Variants in COL21A1 observed in about 807,000 individuals in gnomAD.
The protein encoded by COL21A1 is collagen type XXI alpha 1 chain.
COL21A1 carries 149 observed loss-of-function variants against 137.9 expected under a neutral mutation model. The observed-to-expected ratio is 1.08, with a 90% CI of 0.95 to 1.24. The LOEUF (loss-of-function observed/expected upper bound fraction) is 1.24, where lower values mean the gene tolerates loss of function less well. Ranked by LOEUF, COL21A1 falls within the 50% of genes most tolerant of loss-of-function variation. COL21A1 has a pLI of 0.00. For missense variants in COL21A1, 1,167 were observed against 1,158.4 expected (o/e 1.01, Z -0.11); for synonymous variants, 456 against 391.5 (o/e 1.16, Z -1.95).
chr6:56,377,918 G>C (rs2094002272), intron 1 of COL21A1, among the ~76,000 whole-genome samples: 1 of 152,104 alleles, frequency 6.6e-6, no homozygotes, highest in African/African-American at 2.4e-5. Context: ...GAGTCATGAG[G>C]TCCCGTTCCA....
intron 16 of COL21A1, among the ~76,000 whole-genome samples, chr6:56,117,823 C>T (rs898711864): frequency 2.0e-5 from 3 of 151,754 alleles, no homozygotes; most frequent in African/African-American, 7.2e-5. Flanking sequence ...ACAATATGCT[C>T]CTGAATGCCC....
intron 1 of COL21A1, among the ~76,000 whole-genome samples, chr6:56,301,121 C>T (rs1764269554): frequency 6.6e-6 from 1 of 152,116 alleles, no homozygotes; most frequent in Non-Finnish European, 1.5e-5. Flanking sequence ...CCAAAGATGT[C>T]CACATCCTAA....
chr6:56,294,576 G>A (rs533761729), intron 1 of COL21A1, among the ~76,000 whole-genome samples: 15 of 152,022 alleles, frequency 9.9e-5, no homozygotes, highest in Non-Finnish European at 2.1e-4. Flanking sequence ...CTACTGATAC[G>A]GCAATACTAA....
Position 56,385,133 on chromosome 6 carries a change from G to T in COL21A1, c.-39+8838C>A, listed in dbSNP as rs1581797693. 2.6e-5 allele frequency among the ~76,000 whole-genome samples: 4 copies of T among 152,336 alleles called. No individual in the cohort carries two copies. In the East Asian group the frequency reaches 7.7e-4, roughly 29 times the overall value. On this transcript the variant is annotated intron_variant, in intron 1 of 28. Transcript: ENST00000370819. ...ACGTGTTAGACTCGTGGAGAGGTTA[G>T]TAGGGATCAAATCTGAGTGTGGCTT...
At chr6:56,219,955 A>G (rs1366354830) in intron 1 of COL21A1, among the ~76,000 whole-genome samples, 3 of 152,196 alleles carry the variant, frequency 2.0e-5, no homozygotes, top group Non-Finnish European at 4.4e-5. Context: ...AACTGTATAC[A>G]GGAAGTTTAC....
At chr6:56,274,348 T>C (rs1323735024) in intron 1 of COL21A1, among the ~76,000 whole-genome samples, 1 of 152,154 alleles carries the variant, frequency 6.6e-6, no homozygotes, top group Non-Finnish European at 1.5e-5. Context: ...TTCAACATAG[T>C]ACTGGAAGTC....
intron 1 of COL21A1, among the ~76,000 whole-genome samples, chr6:56,268,293 C>A (rs1763442324): frequency 6.6e-6 from 1 of 152,128 alleles, no homozygotes; most frequent in East Asian, 1.9e-4. Flanking sequence ...GCCCCACAGC[C>A]CGGAACATCT....
At position 56,270,777 on chromosome 6, in the gene COL21A1, A is replaced by G. The variant is rs1349317204; in HGVS notation, c.-38-88121T>C. On this transcript the variant is annotated intron_variant, in intron 1 of 28. Coordinates refer to the COL21A1 transcript ENST00000370819. Reference sequence around the variant, plus strand: ...AGTTCTCATGAAATCTGATGGTTTAAGACTGTGGCACTTCCTCCCTCATGC... The same window carrying G: ...AGTTCTCATGAAATCTGATGGTTTAGGACTGTGGCACTTCCTCCCTCATGC... 3.9e-4 allele frequency among the ~76,000 whole-genome samples: 59 copies of G among 152,138 alleles called. 1 individual carries two copies. The highest frequency in any genetic ancestry group is 3.9e-3 in the Admixed American group (59 of 15,284).
rs145927128 is a variant in COL21A1 at position 56,206,784 on chromosome 6, T to C, written c.-38-24128A>G. On this transcript the variant is annotated intron_variant, in intron 1 of 29. Coordinates refer to ENST00000244728, the MANE Select transcript of COL21A1 (RefSeq NM_030820.4). ...CTTATTCTAGAATTGACCACATAAT[T>C]GGAAATAAAACACTCCTCAGAAAAT... Among the ~76,000 whole-genome samples the C allele has an allele frequency of 8.4e-3, 1,242 of 148,624 alleles. 21 individuals carry two copies. Among genetic ancestry groups the C allele is most frequent in the African/African-American group, 0.029 (1,197 of 40,620 alleles).
At chr6:56,213,620 T>C (rs1561991174) in intron 1 of COL21A1, among the ~76,000 whole-genome samples, 3 of 152,046 alleles carry the variant, frequency 2.0e-5, no homozygotes, top group Admixed American at 2.0e-4. Context: ...AAATAATAAG[T>C]ATCAAGCACA....
chr6:56,163,421 T>A (rs991502387), intron 9 of COL21A1, among the ~76,000 whole-genome samples: 1 of 152,170 alleles, frequency 6.6e-6, no homozygotes, highest in Admixed American at 6.5e-5. Flanking sequence ...CTTAAAAATT[T>A]AGCCATTTGC....
intron 1 of COL21A1, among the ~76,000 whole-genome samples, chr6:56,241,064 A>G (rs181471852): frequency 5.3e-5 from 8 of 152,188 alleles, no homozygotes; most frequent in African/African-American, 1.9e-4. Flanking sequence ...GTCCATTCCT[A>G]TACCACTCTG....
At chr6:56,194,017 G>A (rs930837631) in intron 1 of COL21A1, among the ~76,000 whole-genome samples, 3 of 152,100 alleles carry the variant, frequency 2.0e-5, no homozygotes, top group Non-Finnish European at 4.4e-5. Context: ...GATTACAGGC[G>A]TGAGCCACCA....
chr6:56,346,182 C>T (rs1765593264), intron 1 of COL21A1, among the ~76,000 whole-genome samples: 1 of 152,212 alleles, frequency 6.6e-6, no homozygotes, highest in Non-Finnish European at 1.5e-5. Flanking sequence ...AGAACTTACT[C>T]ATCACCCTAG....
Position 56,171,558 on chromosome 6 carries a change from A to G in COL21A1, c.641-430T>C, listed in dbSNP as rs561735706. ...TAATGCTTTTAATTTATTTAATTCA[A>G]AAATGAACACTAAAATTCTTTTCTT... On this transcript the variant is annotated intron_variant, in intron 3 of 29. Coordinates refer to ENST00000244728, the MANE Select transcript of COL21A1 (RefSeq NM_030820.4). Among the ~76,000 whole-genome samples the G allele has an allele frequency of 3.4e-4, 51 of 151,968 alleles. 1 individual carries two copies. Among genetic ancestry groups the G allele is most frequent in the Non-Finnish European group, 5.6e-4 (38 of 67,884 alleles).
chr6:56,164,850 A>C (rs779121002), intron 7 of COL21A1, 28 bp from the exon 8 acceptor site: 6 of 1,455,614 alleles, frequency 4.1e-6, no homozygotes, highest in Non-Finnish European at 4.7e-6. Flanking sequence ...AATGTGTTTT[A>C]AAATGTTTTA....
At chr6:56,181,595 C>T (rs1170671812) in intron 2 of COL21A1, among the ~76,000 whole-genome samples, 1 of 152,054 alleles carries the variant, frequency 6.6e-6, no homozygotes, top group African/African-American at 2.4e-5. Flanking sequence ...GGCCACAGAG[C>T]ATGTATTTCA....
At chr6:56,174,902 C>T (rs1441873607) in intron 3 of COL21A1, among the ~76,000 whole-genome samples, 1 of 151,916 alleles carries the variant, frequency 6.6e-6, no homozygotes, top group African/African-American at 2.4e-5. Context: ...ATGTAAATAT[C>T]CCCAATAAAA....
chr6:56,276,559 C>G lies in COL21A1; in HGVS notation c.-38-93903G>C, dbSNP rs1009081954. On this transcript the variant is annotated intron_variant, in intron 1 of 28. Transcript: ENST00000370819. Reference sequence around the variant, plus strand: ...TCTTCTTATATACTTCAAATTTGTACTTAATGCCTTTCTCCTCCTGGACAT... The same window carrying G: ...TCTTCTTATATACTTCAAATTTGTAGTTAATGCCTTTCTCCTCCTGGACAT... The G allele has an allele frequency of 4.4e-6, 6 of 1,352,940 alleles. No homozygotes were observed. The East Asian group carries it at 1.4e-4, about 31-fold the overall frequency. 83.8% of individuals were successfully genotyped at this position (1,352,940 alleles called of 1,614,324 possible).
Sources: allele counts gnomAD v4.1 joint callset (sites outside exome capture counted in the v4.1 genomes callset), GRCh38; gene constraint gnomAD v4.1.1; transcripts MANE v1.5; gene names NCBI Gene and HGNC (gene_info 2026-07-23, HGNC 2026-07-21).